The following NALF1 variants were observed in gnomAD, a reference collection of about 807,000 sequenced individuals.
The protein encoded by NALF1 is NALCN channel auxiliary factor 1.
A neutral mutation model predicts 48.4 loss-of-function variants in NALF1; 3 were observed. That is an observed-to-expected ratio of 0.06 (90% CI 0.03 to 0.16). The LOEUF (loss-of-function observed/expected upper bound fraction) is 0.16. Ranked by LOEUF, NALF1 falls within the 10% of genes least tolerant of loss-of-function variation. The pLI is 1.00. For missense variants in NALF1, 526 were observed against 571.5 expected, an observed-to-expected ratio of 0.92 and a Z score of 0.81; for synonymous variants, 262 against 245.7, an observed-to-expected ratio of 1.07 and a Z score of -0.62.
chr13:107,710,792 T>C (rs551618781), intron 1 of NALF1, among the ~76,000 whole-genome samples: 30 of 116,190 alleles, frequency 2.6e-4, no homozygotes, highest in East Asian at 1.9e-3. Flanking sequence ...TATATACACA[T>C]ATATGTATAT....
At chr13:107,670,904 A>T (rs1161463690) in intron 1 of NALF1, among the ~76,000 whole-genome samples, 1 of 152,120 alleles carries the variant, frequency 6.6e-6, no homozygotes, top group Non-Finnish European at 1.5e-5. Flanking sequence ...TTGGGTCTTG[A>T]GATTCCATTG....
At chr13:107,502,213 G>A (rs1220183694) in intron 1 of NALF1, among the ~76,000 whole-genome samples, 1 of 152,064 alleles carries the variant, frequency 6.6e-6, no homozygotes, top group Non-Finnish European at 1.5e-5. Flanking sequence ...TATTAGTAGT[G>A]TAAGATTTAG....
chr13:107,604,212 C>G (rs1879006152), intron 1 of NALF1, among the ~76,000 whole-genome samples: 1 of 152,156 alleles, frequency 6.6e-6, no homozygotes. Flanking sequence ...TGCCAATAAT[C>G]GTTTCCCAAA....
chr13:107,706,918 CTTT>C (rs34091754), intron 1 of NALF1, among the ~76,000 whole-genome samples: 1 of 101,300 alleles, frequency 9.9e-6, no homozygotes. Context: ...CAAGGGCATT[CTTT>C]TTTTTTTTTT....
At chr13:107,753,352 T>G (rs991651392) in intron 1 of NALF1, among the ~76,000 whole-genome samples, 4 of 152,228 alleles carry the variant, frequency 2.6e-5, no homozygotes, top group Non-Finnish European at 5.9e-5. Context: ...TTTCTGAGAT[T>G]ACAATGAATT....
At chr13:107,753,450 A>G (rs2138554634) in intron 1 of NALF1, among the ~76,000 whole-genome samples, 1 of 146,198 alleles carries the variant, frequency 6.8e-6, no homozygotes, top group Non-Finnish European at 1.5e-5. Flanking sequence ...TTGTTGTTGT[A>G]CCAATGTAAA....
chr13:107,592,544 T>A (rs1450510183), intron 1 of NALF1, among the ~76,000 whole-genome samples: 7 of 152,052 alleles, frequency 4.6e-5, no homozygotes, highest in African/African-American at 1.7e-4. Flanking sequence ...AACTGGCATG[T>A]CATAAAAAAT....
chr13:107,323,439 T>G (rs1417903964), intron 1 of NALF1, among the ~76,000 whole-genome samples: 1 of 152,224 alleles, frequency 6.6e-6, no homozygotes, highest in Non-Finnish European at 1.5e-5. Context: ...TTTTGGAGAT[T>G]GAGGGAATGA....
intron 1 of NALF1, among the ~76,000 whole-genome samples, chr13:107,679,001 C>T (rs989046866): frequency 2.0e-5 from 3 of 152,232 alleles, no homozygotes; most frequent in Admixed American, 6.5e-5. Flanking sequence ...TGGTTTGAGA[C>T]GTATTTGTTC....
chr13:107,639,743 G>T (rs1046269462), intron 1 of NALF1, among the ~76,000 whole-genome samples: 2 of 152,098 alleles, frequency 1.3e-5, no homozygotes, highest in Admixed American at 6.5e-5. Flanking sequence ...ATGATGCCAT[G>T]CCTGAAACCT....
intron 1 of NALF1, among the ~76,000 whole-genome samples, chr13:107,717,675 G>T (rs1210467502): frequency 1.3e-5 from 2 of 151,802 alleles, no homozygotes; most frequent in Non-Finnish European, 2.9e-5. Context: ...AAACGAAAAG[G>T]AAAAAAAGGA....
At chr13:107,275,047 C>T (rs1313535873) in intron 1 of NALF1, among the ~76,000 whole-genome samples, 1 of 152,166 alleles carries the variant, frequency 6.6e-6, no homozygotes, top group Non-Finnish European at 1.5e-5. Flanking sequence ...AGGTGCCCTA[C>T]ATGCAGTATA....
At chr13:107,816,658 G>A (rs1164813396) in intron 1 of NALF1, among the ~76,000 whole-genome samples, 2 of 152,046 alleles carry the variant, frequency 1.3e-5, no homozygotes, top group Non-Finnish European at 2.9e-5. Context: ...TAACAGTAAA[G>A]ATGGTATACA....
intron 1 of NALF1, among the ~76,000 whole-genome samples, chr13:107,550,620 T>A (rs1250184374): frequency 6.6e-6 from 1 of 152,166 alleles, no homozygotes; most frequent in African/African-American, 2.4e-5. Flanking sequence ...TAGCACTTCT[T>A]GAATACTAAA....
At chr13:107,665,251 A>G (rs1880827937) in intron 1 of NALF1, among the ~76,000 whole-genome samples, 2 of 152,114 alleles carry the variant, frequency 1.3e-5, no homozygotes, top group African/African-American at 4.8e-5. Flanking sequence ...GATACTCTAC[A>G]TGTAATATTT....
chr13:107,755,924 T>C (rs991147689), intron 1 of NALF1, among the ~76,000 whole-genome samples: 2 of 152,168 alleles, frequency 1.3e-5, no homozygotes, highest in African/African-American at 4.8e-5. Flanking sequence ...CCTTTAGATT[T>C]CTACATGAAA....
chr13:107,689,052 G>A (rs1162344601), intron 1 of NALF1, among the ~76,000 whole-genome samples: 1 of 152,198 alleles, frequency 6.6e-6, no homozygotes, highest in Non-Finnish European at 1.5e-5. Context: ...GTCATGGACT[G>A]GACAGGAAGG....
rs2391458 is a variant in NALF1 at position 107,555,243 on chromosome 13, G to C, written c.915+310439C>G. On this transcript the variant is annotated intron_variant, in intron 1 of 2. Coordinates refer to ENST00000375915, the MANE Select transcript of NALF1 (RefSeq NM_001080396.3). ...ACTCAAAACTTACGTTGTGAGGGGA[G>C]AAGATGTTTGATTTATTATTAATTA... 0.025 allele frequency among the ~76,000 whole-genome samples: 3,749 copies of C among 151,236 alleles called. 375 individuals are homozygous for C. In the East Asian group the frequency reaches 0.36, roughly 14 times the overall value.
chr13:107,680,417 T>TGA, intron 1 of NALF1, among the ~76,000 whole-genome samples: 2 of 152,152 alleles, frequency 1.3e-5, no homozygotes, highest in Middle Eastern at 6.8e-3. Flanking sequence ...TGAGTGTGTG[T>TGA]GCGTGTGAGT....
Sources: allele counts gnomAD v4.1 joint callset (sites outside exome capture counted in the v4.1 genomes callset), GRCh38; gene constraint gnomAD v4.1.1; transcripts MANE v1.5; gene names NCBI Gene and HGNC (gene_info 2026-07-23, HGNC 2026-07-21).